Variants in SIPA1L1 observed in about 807,000 individuals in gnomAD.
The protein encoded by SIPA1L1 is signal-induced proliferation-associated 1-like protein 1.
SIPA1L1 carries 26 observed loss-of-function variants against 162.7 expected under a neutral mutation model. The observed-to-expected ratio is 0.16, with a 90% CI of 0.12 to 0.22. The LOEUF (loss-of-function observed/expected upper bound fraction) is 0.22. SIPA1L1 is among the 10% of genes least tolerant of loss of function. The pLI is 1.00. For synonymous variants in SIPA1L1, 829 were observed against 837.4 expected, an observed-to-expected ratio of 0.99 and a Z score of 0.17; for missense variants, 1,874 against 2,241.0, an observed-to-expected ratio of 0.84 and a Z score of 3.31.
At chr14:71,569,502 G>T (rs2031508112) in intron 4 of SIPA1L1, among the ~76,000 whole-genome samples, 2 of 152,226 alleles carry the variant, frequency 1.3e-5, no homozygotes. Context: ...CAGACGGGAA[G>T]TGGAACCATT....
At chr14:71,608,184 C>CATCTCTAGGACTCAT (rs2037754517) in intron 5 of SIPA1L1, among the ~76,000 whole-genome samples, 1 of 152,164 alleles carries the variant, frequency 6.6e-6, no homozygotes, top group African/African-American at 2.4e-5. Context: ...GAGCAGAAGC[C>CATCTCTAGGACTCAT]ATCTCTAGGA....
At chr14:71,665,897 T>C (rs2043957504) in intron 10 of SIPA1L1, among the ~76,000 whole-genome samples, 1 of 152,342 alleles carries the variant, frequency 6.6e-6, no homozygotes, top group South Asian at 2.1e-4. Context: ...ATAATAGTTA[T>C]ATGAATGTGG....
chr14:71,672,572 C>T lies in SIPA1L1; in HGVS notation c.3054C>T (p.Val1018=). The T allele has an allele frequency of 6.2e-7, 1 of 1,614,182 alleles. No homozygotes were observed. Among genetic ancestry groups the T allele is most frequent in the Non-Finnish European group, 8.5e-7 (1 of 1,180,046 alleles). The change falls in exon 12 of 24, where the codon GTC becomes GTT. Residue 1018 remains valine (V), a synonymous_variant. Coordinates refer to ENST00000381232, the MANE Select transcript of SIPA1L1 (RefSeq NM_001386936.1). ...TGATCGACCTCCTGAGAACATCTGT[C>T]ACGGTGAAGGTTGTCATCATTCCCC... is the stretch of plus-strand genomic sequence containing the variant. ...EQMIDLLRTS[V]TVKVVIIPPH... is the part of the protein sequence containing the mutation.
At chr14:71,506,887 C>T (rs2050721491) in intron 2 of SIPA1L1, among the ~76,000 whole-genome samples, 2 of 148,550 alleles carry the variant, frequency 1.3e-5, no homozygotes, top group South Asian at 4.2e-4. Flanking sequence ...TGGTCTGGAA[C>T]TCCTGGGCTC....
intron 7 of SIPA1L1, among the ~76,000 whole-genome samples, chr14:71,632,296 T>G (rs1490948021): frequency 6.6e-6 from 1 of 152,232 alleles, no homozygotes; most frequent in African/African-American, 2.4e-5. Flanking sequence ...ATCCCAGTCT[T>G]GGGCTGAAGA....
chr14:71,537,932 G>A (rs2054049710), intron 4 of SIPA1L1, among the ~76,000 whole-genome samples: 1 of 152,148 alleles, frequency 6.6e-6, no homozygotes, highest in East Asian at 1.9e-4. Flanking sequence ...TTTCTCATCA[G>A]GGTCTGAGGA....
At chr14:71,358,778 C>T (rs927623914) in intron 2 of SIPA1L1, among the ~76,000 whole-genome samples, 2 of 152,118 alleles carry the variant, frequency 1.3e-5, no homozygotes, top group Admixed American at 6.6e-5. Context: ...AACTTTTAGT[C>T]ATGGCAGAGG....
chr14:71,422,977 C>G (rs536839027), intron 2 of SIPA1L1, among the ~76,000 whole-genome samples: 1 of 152,314 alleles, frequency 6.6e-6, no homozygotes, highest in Admixed American at 6.5e-5. Flanking sequence ...TCTTCACATC[C>G]TTGCCAATAC....
At chr14:71,683,024 CACACCTGTAGTCCCAGCT>C (rs2045948542) in intron 12 of SIPA1L1, among the ~76,000 whole-genome samples, 1 of 152,102 alleles carries the variant, frequency 6.6e-6, no homozygotes, top group Non-Finnish European at 1.5e-5. Context: ...CGTGGCAGTG[CACACCTGTAGTCCCAGCT>C]ACTCAGGAGG....
intron 2 of SIPA1L1, among the ~76,000 whole-genome samples, chr14:71,322,264 CTTTCTCCTGT>C: frequency 1.3e-5 from 2 of 152,322 alleles, no homozygotes; most frequent in East Asian, 3.9e-4. Flanking sequence ...TAAGTGTCAA[CTTTCTCCTGT>C]TTTCTCCTAT....
intron 2 of SIPA1L1, among the ~76,000 whole-genome samples, chr14:71,475,820 G>A (rs2047804462): frequency 6.6e-6 from 1 of 152,206 alleles, no homozygotes; most frequent in Non-Finnish European, 1.5e-5. Context: ...TTATTATTGT[G>A]TTTCCTTGAA....
intron 2 of SIPA1L1, among the ~76,000 whole-genome samples, chr14:71,423,772 G>A (rs921775185): frequency 2.6e-5 from 4 of 151,996 alleles, no homozygotes; most frequent in Admixed American, 6.5e-5. Flanking sequence ...TCCTTTTCAG[G>A]ATCATTGTGG....
intron 2 of SIPA1L1, among the ~76,000 whole-genome samples, chr14:71,383,697 A>G (rs1419450291): frequency 6.6e-6 from 1 of 152,082 alleles, no homozygotes; most frequent in African/African-American, 2.4e-5. Context: ...GGAAAGACAG[A>G]GGAGGGAGGT....
At chr14:71,680,958 G>A (rs2045745274) in intron 12 of SIPA1L1, among the ~76,000 whole-genome samples, 1 of 152,176 alleles carries the variant, frequency 6.6e-6, no homozygotes. Flanking sequence ...GCCCTAGCCA[G>A]GGACCACTCC....
At chr14:71,498,543 C>G (rs2049962548) in intron 2 of SIPA1L1, among the ~76,000 whole-genome samples, 1 of 152,140 alleles carries the variant, frequency 6.6e-6, no homozygotes, top group Admixed American at 6.5e-5. Flanking sequence ...AGTGCTCCTC[C>G]AAACTGGGGG....
At chr14:71,549,425 G>A (rs1468518724) in intron 4 of SIPA1L1, among the ~76,000 whole-genome samples, 1 of 151,944 alleles carries the variant, frequency 6.6e-6, no homozygotes, top group Non-Finnish European at 1.5e-5. Context: ...GCTGACAGCC[G>A]TTCCAAGTCC....
intron 5 of SIPA1L1, 97 bp downstream of exon 5, chr14:71,589,467 ATTTG>A: frequency 1.5e-6 from 1 of 687,172 alleles, no homozygotes; most frequent in Non-Finnish European, 2.3e-6. Flanking sequence ...GTGACATAAG[ATTTG>A]CATGTCTTAT....
intron 7 of SIPA1L1, among the ~76,000 whole-genome samples, chr14:71,631,275 A>G (rs1191770098): frequency 6.6e-6 from 1 of 152,114 alleles, no homozygotes; most frequent in Non-Finnish European, 1.5e-5. Flanking sequence ...GGCTGTAGAC[A>G]CTTGCTTTTT....
intron 13 of SIPA1L1, 88 bp downstream of exon 13, chr14:71,685,719 C>T (rs2046232621): frequency 1.3e-6 from 2 of 1,482,194 alleles, no homozygotes; most frequent in Non-Finnish European, 1.8e-6. Flanking sequence ...TAGGCCTTCT[C>T]ATATTTTACT....
Sources: gnomAD v4.1 joint callset for allele counts (sites outside exome capture counted in the v4.1 genomes callset) on GRCh38, gnomAD v4.1.1 for gene constraint, MANE v1.5 for transcripts, NCBI Gene and HGNC (gene_info 2026-07-23, HGNC 2026-07-21) for gene names.